The following ERBIN variants were observed in gnomAD, a reference collection of about 807,000 sequenced individuals.
The protein encoded by ERBIN is densin-180-like protein.
ERBIN carries 60 observed loss-of-function variants against 158.4 expected under a neutral mutation model. That is an observed-to-expected ratio of 0.38 (90% CI 0.31 to 0.47). ERBIN has a LOEUF of 0.47. ERBIN is among the 20% of genes least tolerant of loss of function. ERBIN has a pLI of 0.99. For synonymous variants in ERBIN, 594 were observed against 557.2 expected (o/e 1.07, Z -0.93); for missense variants, 1,610 against 1,648.0 (o/e 0.98, Z 0.40).
At chr5:65,993,985 T>C (rs1473688518) in intron 3 of ERBIN, among the ~76,000 whole-genome samples, 1 of 152,166 alleles carries the variant, frequency 6.6e-6, no homozygotes, top group African/African-American at 2.4e-5. Flanking sequence ...TTTAGATTTG[T>C]GTGTATATAC....
At chr5:65,944,589 G>C (rs1745508502) in intron 1 of ERBIN, among the ~76,000 whole-genome samples, 1 of 152,108 alleles carries the variant, frequency 6.6e-6, no homozygotes, top group Non-Finnish European at 1.5e-5. Context: ...ATTTTTAGTA[G>C]AGATGGGGTT....
At chr5:65,955,174 C>A (rs1025761978) in intron 1 of ERBIN, among the ~76,000 whole-genome samples, 3 of 152,108 alleles carry the variant, frequency 2.0e-5, no homozygotes, top group Non-Finnish European at 2.9e-5. Context: ...AAAATGCCAA[C>A]CATTTTTTTT....
At chr5:66,025,608 C>T in intron 11 of ERBIN, 56 bp downstream of exon 11, 1 of 1,296,278 alleles carries the variant, frequency 7.7e-7, no homozygotes, top group Non-Finnish European at 1.1e-6. Flanking sequence ...GTTCAGCATG[C>T]CATACATATT....
In ERBIN at chr5:66,046,541, A is replaced by G. The variant is rs766427931; in HGVS notation, c.1788+3A>G. ...TTAACCATGATGATGTTTTTGAGGT[A>G]TGATTTTATGATTATTCTGGAGCAA... On this transcript the variant is annotated splice_donor_region_variant and intron_variant, in intron 18 of 25. Transcript: ENST00000284037. The G allele has an allele frequency of 6.4e-6, 10 of 1,557,938 alleles. No individual in the cohort carries two copies.
chr5:66,076,500 T>G (rs1012067370), intron 24 of ERBIN, 92 bp downstream of exon 24: 1 of 1,008,300 alleles, frequency 9.9e-7, no homozygotes, highest in Non-Finnish European at 1.5e-6. Context: ...TAGATGTTTA[T>G]GTAAATCTAG....
intron 13 of ERBIN, 47 bp downstream of exon 13, chr5:66,026,464 A>G: frequency 9.4e-7 from 1 of 1,060,938 alleles, no homozygotes; most frequent in Non-Finnish European, 1.4e-6. Flanking sequence ...GACATTGGTT[A>G]GATGAAATTA....
chr5:65,964,454 G>A (rs1406947133), intron 1 of ERBIN, among the ~76,000 whole-genome samples: 1 of 152,148 alleles, frequency 6.6e-6, no homozygotes, highest in African/African-American at 2.4e-5. Context: ...CCTGCTGGTT[G>A]GAGAACAGGC....
At chr5:66,070,365 T>C (rs906195593) in intron 21 of ERBIN, among the ~76,000 whole-genome samples, 8 of 152,102 alleles carry the variant, frequency 5.3e-5, no homozygotes, top group African/African-American at 9.7e-5. Flanking sequence ...ATTTAAAAGA[T>C]GAGAGAGAAG....
Position 66,078,623 on chromosome 5 carries a change from G to A in ERBIN, c.*93G>A. 1.3e-6 allele frequency: 1 copy of A among 774,470 alleles called. No homozygotes were observed. The highest frequency in any genetic ancestry group is 2.1e-6 in the Non-Finnish European group (1 of 466,590). The allele number at this position is 774,470 out of a possible 1,614,324, so 48.0% of individuals were successfully genotyped here. ...TATTTTGACTATTTTTATATATAAA[G>A]AAGAACTCAAAAAATTATGTTCAAA... On this transcript the variant is annotated 3_prime_UTR_variant, in exon 26 of 26. Coordinates refer to ENST00000284037, the MANE Select transcript of ERBIN (RefSeq NM_001253697.2).
intron 1 of ERBIN, among the ~76,000 whole-genome samples, chr5:65,960,237 T>C (rs1747759295): frequency 6.6e-6 from 1 of 152,228 alleles, no homozygotes; most frequent in African/African-American, 2.4e-5. Flanking sequence ...AGAAGTCTGA[T>C]ACAGAAGAGT....
chr5:66,018,472 ATTATATATTATATATTATATT>A (rs1486514801), intron 7 of ERBIN, among the ~76,000 whole-genome samples: 1 of 4,476 alleles, frequency 2.2e-4, no homozygotes, highest in East Asian at 2.1e-3. Context: ...TATAATATAT[ATTATATATTATATATTATATT>A]ATATAATATA....
chr5:66,012,258 T>G (rs1754285476), intron 5 of ERBIN, 131 bp downstream of exon 5: 1 of 563,286 alleles, frequency 1.8e-6, no homozygotes, highest in Admixed American at 3.2e-5. Context: ...AATTTTAGAG[T>G]TAAAAAGTAA....
At chr5:65,968,791 C>T (rs1173329212) in intron 1 of ERBIN, among the ~76,000 whole-genome samples, 4 of 152,172 alleles carry the variant, frequency 2.6e-5, no homozygotes, top group Non-Finnish European at 5.9e-5. Context: ...AAACTCCAGA[C>T]CTCAGGTGAT....
chr5:65,934,270 A>G (rs569094097), intron 1 of ERBIN, among the ~76,000 whole-genome samples: 26 of 152,328 alleles, frequency 1.7e-4, no homozygotes, highest in African/African-American at 4.6e-4. Flanking sequence ...CATCATTACC[A>G]TCAAAATCAG....
intron 13 of ERBIN, among the ~76,000 whole-genome samples, 177 bp downstream of exon 13, chr5:66,026,594 A>G (rs778319788): frequency 2.0e-5 from 3 of 151,982 alleles, no homozygotes; most frequent in Non-Finnish European, 2.9e-5. Context: ...ACAACATACA[A>G]TGAAATCACT....
intron 1 of ERBIN, among the ~76,000 whole-genome samples, chr5:65,986,660 G>C (rs1283717013): frequency 6.6e-6 from 1 of 152,184 alleles, no homozygotes; most frequent in Non-Finnish European, 1.5e-5. Context: ...TGTGTTTTAG[G>C]CTGTCTCACT....
At chr5:66,013,780 T>C (rs1754441917) in intron 6 of ERBIN, 142 bp downstream of exon 6, 1 of 571,530 alleles carries the variant, frequency 1.7e-6, no homozygotes, top group Admixed American at 3.5e-5. Context: ...TTTTATACTT[T>C]GTTTGGTGGC....
chr5:65,953,926 C>T (rs1453559344), intron 1 of ERBIN, among the ~76,000 whole-genome samples: 1 of 152,144 alleles, frequency 6.6e-6, no homozygotes, highest in Non-Finnish European at 1.5e-5. Context: ...CCCCCTCCCC[C>T]AAACATTATA....
At chr5:65,992,104 C>T (rs1751928030) in intron 2 of ERBIN, among the ~76,000 whole-genome samples, 1 of 152,116 alleles carries the variant, frequency 6.6e-6, no homozygotes, top group African/African-American at 2.4e-5. Context: ...AAATCTTCGT[C>T]TTATTAGAGT....
Sources: gnomAD v4.1 joint callset for allele counts (sites outside exome capture counted in the v4.1 genomes callset) on GRCh38, gnomAD v4.1.1 for gene constraint, MANE v1.5 for transcripts, NCBI Gene and HGNC (gene_info 2026-07-23, HGNC 2026-07-21) for gene names.